PTPRD: variants seen among roughly 807,000 people sequenced by gnomAD.
The protein encoded by PTPRD is receptor-type tyrosine-protein phosphatase delta.
In PTPRD, 34 loss-of-function variants were observed where a neutral mutation model predicts 214.5. That is an observed-to-expected ratio of 0.16 (90% confidence interval 0.12 to 0.21). The LOEUF (loss-of-function observed/expected upper bound fraction) is 0.21, where lower values mean the gene tolerates loss of function less well. PTPRD is among the 10% of genes least tolerant of loss of function. The probability of loss-of-function intolerance (pLI) is 1.00; values close to 1 mark genes in which losing one functional copy is unlikely to be tolerated. For synonymous variants in PTPRD, 1,128 were observed against 845.7 expected (o/e 1.33, Z -5.79); for missense variants, 2,545 against 2,398.7 (o/e 1.06, Z -1.27).
intron 6 of PTPRD, among the ~76,000 whole-genome samples, chr9:9,755,971 G>A (rs1263573430): frequency 2.0e-5 from 3 of 151,824 alleles, no homozygotes; most frequent in Non-Finnish European, 4.4e-5. Context: ...TTCTTATCAA[G>A]TAGAAAATAA....
intron 11 of PTPRD, among the ~76,000 whole-genome samples, chr9:8,928,932 T>C (rs4134178): frequency 0.37 from 55,752 of 151,956 alleles, 10,322 homozygotes; most frequent in Middle Eastern, 0.42. Flanking sequence ...TATTCCTAGG[T>C]ATTTTATTCT....
At chr9:10,260,757 G>A (rs147251061) in intron 3 of PTPRD, among the ~76,000 whole-genome samples, 15 of 152,096 alleles carry the variant, frequency 9.9e-5, no homozygotes, top group Middle Eastern at 3.4e-3. Flanking sequence ...TAACAAAAGG[G>A]AGATTGTACT....
intron 2 of PTPRD, among the ~76,000 whole-genome samples, chr9:10,510,837 C>A (rs963256382): frequency 6.6e-6 from 1 of 151,996 alleles, no homozygotes; most frequent in South Asian, 2.1e-4. Flanking sequence ...ATTAACCAAC[C>A]CTTCTTCATC....
intron 3 of PTPRD, among the ~76,000 whole-genome samples, chr9:10,157,248 T>C (rs1374124945): frequency 6.6e-6 from 1 of 152,210 alleles, no homozygotes; most frequent in Admixed American, 6.6e-5. Context: ...TACTTCAGTG[T>C]GTTTTTGTGA....
At chr9:8,795,748 G>A (rs1296596771) in intron 11 of PTPRD, among the ~76,000 whole-genome samples, 1 of 152,100 alleles carries the variant, frequency 6.6e-6, no homozygotes, top group Non-Finnish European at 1.5e-5. Context: ...TTTATGAAGT[G>A]GAAACGCGTA....
chr9:9,734,403 A>T (rs891420498), intron 7 of PTPRD, 130 bp downstream of exon 7: 1 of 152,062 alleles, frequency 6.6e-6, no homozygotes, highest in African/African-American at 2.4e-5. Flanking sequence ...AACTCAGAAG[A>T]TGGAAATGAG....
At chr9:8,504,939 T>C (rs2097509531) in intron 22 of PTPRD, among the ~76,000 whole-genome samples, 2 of 152,158 alleles carry the variant, frequency 1.3e-5, no homozygotes, top group African/African-American at 4.8e-5. Context: ...AGATTTGAAA[T>C]TGCCAAGTTT....
intron 11 of PTPRD, among the ~76,000 whole-genome samples, chr9:8,814,858 C>G (rs184932324): frequency 1.8e-3 from 275 of 152,268 alleles, no homozygotes; most frequent in Non-Finnish European, 2.6e-3. Context: ...GAGGGGAGTA[C>G]TTCCATGGTT....
At chr9:9,019,690 A>G (rs920296981) in intron 10 of PTPRD, among the ~76,000 whole-genome samples, 1 of 152,186 alleles carries the variant, frequency 6.6e-6, no homozygotes, top group Non-Finnish European at 1.5e-5. Context: ...CAGGTGACAG[A>G]GTGACACTCC....
intron 11 of PTPRD, among the ~76,000 whole-genome samples, chr9:8,830,956 T>C (rs1419655007): frequency 6.6e-6 from 1 of 152,200 alleles, no homozygotes; most frequent in Non-Finnish European, 1.5e-5. Flanking sequence ...ATGAAGTTTA[T>C]ATTTTTAATA....
chr9:8,740,752 AAAC>A (rs749279802), intron 11 of PTPRD, among the ~76,000 whole-genome samples: 6 of 152,204 alleles, frequency 3.9e-5, no homozygotes, highest in Non-Finnish European at 1.5e-5. Context: ...CAGTTAGGAA[AAAC>A]AACAAGAGGT....
At chr9:9,029,505 A>T (rs1305254485) in intron 10 of PTPRD, among the ~76,000 whole-genome samples, 2 of 151,366 alleles carry the variant, frequency 1.3e-5, no homozygotes, top group Admixed American at 1.3e-4. Flanking sequence ...ACTAAAAAAA[A>T]TTATTTTAAA....
intron 9 of PTPRD, among the ~76,000 whole-genome samples, chr9:9,293,449 C>G (rs1051414621): frequency 1.1e-4 from 16 of 150,512 alleles, no homozygotes; most frequent in African/African-American, 3.7e-4. Flanking sequence ...CAAGCTGTCC[C>G]AGGCATATCT....
chr9:9,411,983 T>C (rs2075584123), intron 8 of PTPRD, among the ~76,000 whole-genome samples: 1 of 152,210 alleles, frequency 6.6e-6, no homozygotes, highest in Non-Finnish European at 1.5e-5. Flanking sequence ...CAGTGAAGGA[T>C]GCCAGGGCCA....
intron 7 of PTPRD, among the ~76,000 whole-genome samples, chr9:9,671,461 C>T (rs959296094): frequency 3.3e-5 from 5 of 151,886 alleles, no homozygotes; most frequent in African/African-American, 9.7e-5. Context: ...CTTTGGGGGA[C>T]TGTTGGGGAG....
chr9:10,273,901 G>A (rs2094544930), intron 3 of PTPRD, among the ~76,000 whole-genome samples: 2 of 152,110 alleles, frequency 1.3e-5, no homozygotes, highest in Admixed American at 6.5e-5. Flanking sequence ...AATACACTGT[G>A]CTTCTTTTTG....
chr9:8,862,812 C>A (rs887872459), intron 11 of PTPRD, among the ~76,000 whole-genome samples: 1 of 151,978 alleles, frequency 6.6e-6, no homozygotes, highest in East Asian at 1.9e-4. Flanking sequence ...AGTAAACTAT[C>A]GCAAGAACAA....
chr9:10,243,755 C>G (rs528859427), intron 3 of PTPRD, among the ~76,000 whole-genome samples: 1 of 152,120 alleles, frequency 6.6e-6, no homozygotes, highest in Non-Finnish European at 1.5e-5. Flanking sequence ...TTGCTCCAAC[C>G]TCTAATTCAA....
chr9:9,699,425 A>T (rs1197932425), intron 7 of PTPRD, among the ~76,000 whole-genome samples: 1 of 152,118 alleles, frequency 6.6e-6, no homozygotes, highest in East Asian at 1.9e-4. Flanking sequence ...TGTCCCCCTT[A>T]GGAATGAAAT....
Sources: gnomAD v4.1 joint callset for allele counts (sites outside exome capture counted in the v4.1 genomes callset) on GRCh38, gnomAD v4.1.1 for gene constraint, MANE v1.5 for transcripts, NCBI Gene and HGNC (gene_info 2026-07-23, HGNC 2026-07-21) for gene names.